The following ARHGDIB variants were observed in gnomAD, a reference collection of about 807,000 sequenced individuals.
ARHGDIB encodes Rho GDP dissociation inhibitor beta, also known as rho GDP-dissociation inhibitor 2.
ARHGDIB carries 20 observed loss-of-function variants against 22.6 expected under a neutral mutation model. The observed-to-expected ratio is 0.88, with a 90% CI of 0.62 to 1.28. The LOEUF (loss-of-function observed/expected upper bound fraction) is 1.28. Among genes scored for constraint, ARHGDIB ranks in the 50% most tolerant of loss-of-function variants. The probability of loss-of-function intolerance (pLI) is 0.00; values close to 1 mark genes in which losing one functional copy is unlikely to be tolerated. For synonymous variants in ARHGDIB, 114 were observed against 96.1 expected (o/e 1.19, Z -1.09); for missense variants, 254 against 245.4 (o/e 1.04, Z -0.23).
At position 14,947,233 on chromosome 12, in the gene ARHGDIB, G is replaced by T. The variant is rs180675718; in HGVS notation, c.342+640C>A. Among the ~76,000 whole-genome samples, 6 of 152,242 alleles carry T rather than the reference G, an allele frequency of 3.9e-5. No homozygotes were observed. The East Asian group carries it at 1.2e-3, about 29-fold the overall frequency. On this transcript the variant is annotated intron_variant, in intron 4 of 5. Coordinates refer to ENST00000228945, the MANE Select transcript of ARHGDIB (RefSeq NM_001175.7). ...CAAAGTTATTTTTCTTGTGATTTTG[G>T]CTGCTCATTGGGATATATGGCTCAT...
chr12:14,950,634 G>A lies in ARHGDIB; in HGVS notation c.79C>T (p.Pro27Ser). 1 of 1,613,994 alleles carries A rather than the reference G, an allele frequency of 6.2e-7. No individual in the cohort carries two copies. Among genetic ancestry groups the A allele is most frequent in the Non-Finnish European group, 8.5e-7 (1 of 1,179,950 alleles). ...AGCTCTTTCAGGGACTTCTGTGGTG[G>A]AGGCTTATAATTGAGCTTGCTGTCC... The part of the protein sequence containing the change: ...ELDSKLNYKP[P>S]PQKSLKELQE... The change falls in exon 2 of 6, where the codon CCA becomes TCA. Residue 27 changes from proline to serine, a missense_variant. By Grantham distance (74) the Pro-to-Ser change is moderately conservative (BLOSUM62 -1). Transcript: ENST00000228945.
At chr12:14,948,064 G>A (rs1233141365) in intron 3 of ARHGDIB, 115 bp from the exon 4 acceptor site, 3 of 679,420 alleles carry the variant, frequency 4.4e-6, no homozygotes, top group Admixed American at 4.2e-5. Context: ...TGGTTCACAG[G>A]GCCCTCAATT....
intron 4 of ARHGDIB, among the ~76,000 whole-genome samples, chr12:14,947,000 G>T (rs1864031722): frequency 6.6e-6 from 1 of 152,088 alleles, no homozygotes; most frequent in African/African-American, 2.4e-5. Flanking sequence ...TATTTGTATG[G>T]GGTAGGGAGG....
At chr12:14,948,075 C>A (rs1027896492) in intron 3 of ARHGDIB, 126 bp from the exon 4 acceptor site, 2 of 647,638 alleles carry the variant, frequency 3.1e-6, no homozygotes, top group Admixed American at 2.2e-5. Context: ...GCCCTCAATT[C>A]ACAGAGTATT....
At chr12:14,949,221 T>C (rs1864107062) in intron 3 of ARHGDIB, among the ~76,000 whole-genome samples, 1 of 152,136 alleles carries the variant, frequency 6.6e-6, no homozygotes, top group African/African-American at 2.4e-5. Context: ...TCTCTCCTCC[T>C]CAAGCCCTAA....
At chr12:14,948,096 C>G in intron 3 of ARHGDIB, 147 bp from the exon 4 acceptor site, 23 of 382,120 alleles carry the variant, frequency 6.0e-5, no homozygotes, top group Non-Finnish European at 7.3e-5. Context: ...TGAGTTTAGT[C>G]CTTGCACACA....
At chr12:14,948,283 T>C (rs536753270) in intron 3 of ARHGDIB, among the ~76,000 whole-genome samples, 2 of 152,292 alleles carry the variant, frequency 1.3e-5, no homozygotes, top group African/African-American at 2.4e-5. Context: ...TATTCTCTCA[T>C]TGAGAATTAT....
At position 14,942,326 on chromosome 12, in the gene ARHGDIB, G is replaced by A. The variant is rs141902968; in HGVS notation, c.*196C>T. ...CCTGATGGAGGATCAGAGGGAGCAG[G>A]TTGGGTGAAAGCCCGGTTTTAAGCC... On this transcript the variant is annotated 3_prime_UTR_variant, in exon 6 of 6. Transcript: ENST00000228945. The A allele has an allele frequency of 3.0e-4, 179 of 605,400 alleles. 1 individual carries two copies. The highest frequency in any genetic ancestry group is 2.9e-3 in the African/African-American group (157 of 54,330). 37.5% of individuals were successfully genotyped at this position (605,400 alleles called of 1,614,324 possible).
At chr12:14,944,991 G>T in intron 4 of ARHGDIB, 152 bp from the exon 5 acceptor site, 1 of 569,410 alleles carries the variant, frequency 1.8e-6, no homozygotes, top group Non-Finnish European at 3.0e-6. Context: ...TATTTAGCAT[G>T]GCTGTGAGGC....
At chr12:14,956,982 T>C (rs1056086386) in intron 1 of ARHGDIB, among the ~76,000 whole-genome samples, 5 of 152,234 alleles carry the variant, frequency 3.3e-5, no homozygotes, top group Admixed American at 3.3e-4. Context: ...CATGTCAGGA[T>C]AGAGCATCAT....
At chr12:14,947,119 CTG>C (rs1273989318) in intron 4 of ARHGDIB, among the ~76,000 whole-genome samples, 1 of 152,194 alleles carries the variant, frequency 6.6e-6, no homozygotes, top group African/African-American at 2.4e-5. Flanking sequence ...GCCCTGGAGA[CTG>C]AGGCTAAGTG....
At chr12:14,951,637 A>G (rs555428806) in intron 1 of ARHGDIB, among the ~76,000 whole-genome samples, 57 of 151,080 alleles carry the variant, frequency 3.8e-4, no homozygotes, top group African/African-American at 1.4e-3. Flanking sequence ...ATAAGGCCCC[A>G]CCTGGGCATA....
intron 2 of ARHGDIB, 80 bp from the exon 3 acceptor site, chr12:14,949,965 G>A (rs547662784): frequency 2.4e-6 from 3 of 1,235,334 alleles, no homozygotes; most frequent in African/African-American, 3.0e-5. Context: ...GGGAGACAGA[G>A]AGTATGAAAA....
At chr12:14,953,818 GCTCTCTCT>G (rs147117659) in intron 1 of ARHGDIB, among the ~76,000 whole-genome samples, 11 of 146,502 alleles carry the variant, frequency 7.5e-5, no homozygotes, top group East Asian at 2.0e-4. Flanking sequence ...GCTTTTGCTT[GCTCTCTCT>G]CTCTCTCTCT....
At chr12:14,952,741 C>T (rs1864208332) in intron 1 of ARHGDIB, among the ~76,000 whole-genome samples, 1 of 152,194 alleles carries the variant, frequency 6.6e-6, no homozygotes, top group African/African-American at 2.4e-5. Context: ...GGCCACATAA[C>T]AAACCTGCTG....
chr12:14,946,770 T>TTTCATTGA (rs1864025253), intron 4 of ARHGDIB, among the ~76,000 whole-genome samples: 1 of 152,220 alleles, frequency 6.6e-6, no homozygotes, highest in African/African-American at 2.4e-5. Context: ...TGAGGAAACC[T>TTTCATTGA]GGTTTACCAA....
intron 4 of ARHGDIB, 80 bp from the exon 5 acceptor site, chr12:14,944,919 G>T: frequency 8.0e-7 from 1 of 1,245,768 alleles, no homozygotes; most frequent in Non-Finnish European, 1.2e-6. Flanking sequence ...ATCCTGCCTA[G>T]CTGAATCGTC....
chr12:14,945,507 C>G (rs932187705), intron 4 of ARHGDIB, among the ~76,000 whole-genome samples: 1 of 152,300 alleles, frequency 6.6e-6, no homozygotes, highest in African/African-American at 2.4e-5. Flanking sequence ...AGCCCAAGAA[C>G]TTTGTTTTTC....
chr12:14,946,946 G>A (rs866361179), intron 4 of ARHGDIB, among the ~76,000 whole-genome samples: 8 of 152,178 alleles, frequency 5.3e-5, no homozygotes, highest in African/African-American at 1.4e-4. Context: ...CCATTATAGA[G>A]TAGGCATCAA....
Sources: allele counts gnomAD v4.1 joint callset (sites outside exome capture counted in the v4.1 genomes callset), GRCh38; gene constraint gnomAD v4.1.1; transcripts MANE v1.5; gene names NCBI Gene and HGNC (gene_info 2026-07-23, HGNC 2026-07-21).